The following ADAM22 variants were observed in gnomAD, a reference collection of about 807,000 sequenced individuals.
ADAM22 encodes ADAM metallopeptidase domain 22.
ADAM22 carries 65 observed loss-of-function variants against 144.6 expected under a neutral mutation model. That is an observed-to-expected ratio of 0.45 (90% CI 0.37 to 0.55). The LOEUF (loss-of-function observed/expected upper bound fraction) is 0.55, where lower values mean the gene tolerates loss of function less well. Ranked by LOEUF, ADAM22 falls within the 20% of genes least tolerant of loss-of-function variation. The pLI is 0.00. For synonymous variants in ADAM22, 391 were observed against 412.6 expected (o/e 0.95, Z 0.63); for missense variants, 974 against 1,184.9 (o/e 0.82, Z 2.61).
At chr7:87,971,705 G>T (rs562213627) in intron 2 of ADAM22, among the ~76,000 whole-genome samples, 1 of 152,112 alleles carries the variant, frequency 6.6e-6, no homozygotes, top group African/African-American at 2.4e-5. Flanking sequence ...CCCCACCAAA[G>T]GAAATTCTTG....
intron 19 of ADAM22, 53 bp downstream of exon 19, chr7:88,151,084 A>G: frequency 6.3e-7 from 1 of 1,574,932 alleles, no homozygotes; most frequent in Non-Finnish European, 8.7e-7. Flanking sequence ...CATGAAAGGA[A>G]TACTGAAATC....
intron 18 of ADAM22, among the ~76,000 whole-genome samples, chr7:88,150,010 G>C (rs1196949887): frequency 6.6e-6 from 1 of 152,160 alleles, no homozygotes; most frequent in Non-Finnish European, 1.5e-5. Context: ...AATGTCATGA[G>C]ATATCCCTGA....
intron 3 of ADAM22, among the ~76,000 whole-genome samples, chr7:88,013,392 T>C (rs1031756322): frequency 6.6e-6 from 1 of 152,218 alleles, no homozygotes; most frequent in African/African-American, 2.4e-5. Context: ...AAACTTTATA[T>C]TTTCAATAGA....
intron 2 of ADAM22, among the ~76,000 whole-genome samples, chr7:87,965,531 T>G (rs1448125930): frequency 1.3e-5 from 2 of 152,204 alleles, no homozygotes; most frequent in Non-Finnish European, 1.5e-5. Context: ...GTGAAATTGT[T>G]TCCCAAAGGA....
intron 2 of ADAM22, among the ~76,000 whole-genome samples, chr7:87,949,365 G>T (rs933635782): frequency 1.3e-5 from 2 of 152,312 alleles, no homozygotes; most frequent in South Asian, 4.1e-4. Context: ...GCATACTGAC[G>T]TTCTACCACA....
chr7:88,153,162 A>C, intron 20 of ADAM22, 59 bp from the exon 21 acceptor site: 2 of 1,226,352 alleles, frequency 1.6e-6, no homozygotes, highest in African/African-American at 1.5e-5. Flanking sequence ...TTTTCTGCAA[A>C]GCTTTTGAGC....
chr7:88,155,585 T>C (rs1198250040), intron 21 of ADAM22, among the ~76,000 whole-genome samples: 4 of 150,840 alleles, frequency 2.7e-5, no homozygotes, highest in South Asian at 4.2e-4. Flanking sequence ...TATTGTGTTA[T>C]GGGAAAAGAG....
chr7:88,028,931 C>T lies in ADAM22; in HGVS notation c.324-46695C>T, dbSNP rs906616570. ...AGTATATGTCTTATAGACAATAGAACGTGGAGTCTTGTTTTTTTATCCATT... is the reference window on the plus strand; with the variant it reads ...AGTATATGTCTTATAGACAATAGAATGTGGAGTCTTGTTTTTTTATCCATT... On this transcript the variant is annotated intron_variant, in intron 3 of 31. Coordinates refer to ENST00000413139, the MANE Select transcript of ADAM22 (RefSeq NM_001324418.2). Among the ~76,000 whole-genome samples the T allele has an allele frequency of 1.3e-4, 20 of 151,908 alleles. 1 individual carries two copies. Among genetic ancestry groups the T allele is most frequent in the South Asian group, 4.1e-4 (2 of 4,828 alleles).
At chr7:87,988,683 T>C (rs1034719913) in intron 3 of ADAM22, among the ~76,000 whole-genome samples, 1 of 152,214 alleles carries the variant, frequency 6.6e-6, no homozygotes, top group Non-Finnish European at 1.5e-5. Context: ...AGATGGGGCC[T>C]GTAGAGGCCT....
chr7:87,967,215 C>G (rs1248957500), intron 2 of ADAM22, among the ~76,000 whole-genome samples: 2 of 152,126 alleles, frequency 1.3e-5, no homozygotes, highest in Non-Finnish European at 2.9e-5. Context: ...TTCTTCATAC[C>G]AGCATGAGAA....
At chr7:88,112,956 G>T (rs930915067) in intron 5 of ADAM22, among the ~76,000 whole-genome samples, 13 of 152,060 alleles carry the variant, frequency 8.5e-5, no homozygotes, top group African/African-American at 2.7e-4. Flanking sequence ...CTGGCCTCAT[G>T]TGATTTCCCC....
chr7:87,953,969 G>C (rs1845952748), intron 2 of ADAM22, among the ~76,000 whole-genome samples: 1 of 152,028 alleles, frequency 6.6e-6, no homozygotes, highest in Admixed American at 6.6e-5. Flanking sequence ...TGCAACCCCT[G>C]CCTTTTTTTG....
chr7:88,200,059 A>T lies in ADAM22; in HGVS notation c.*3568A>T, dbSNP rs1296448245. ...AATTTAATCCTGTCTATTGTCCCAG[A>T]TCTCTTGTGGCTACTTTACCTGTTA... On this transcript the variant is annotated 3_prime_UTR_variant, in exon 32 of 32. Transcript: ENST00000413139. 2 of 152,114 alleles carry T rather than the reference A, an allele frequency of 1.3e-5. No homozygotes were observed. The highest frequency in any genetic ancestry group is 2.9e-5 in the Non-Finnish European group (2 of 68,010). The allele number at this position is 152,114 out of a possible 1,614,324, so 9.4% of individuals were successfully genotyped here.
chr7:88,185,733 A>T (rs970893615), intron 29 of ADAM22: 4 of 152,100 alleles, frequency 2.6e-5, no homozygotes, highest in African/African-American at 7.2e-5. Flanking sequence ...CCTCCCTCCA[A>T]TTTTTTTACC....
chr7:88,102,067 G>T (rs1446092933), intron 4 of ADAM22, among the ~76,000 whole-genome samples: 1 of 152,154 alleles, frequency 6.6e-6, no homozygotes, highest in South Asian at 2.1e-4. Flanking sequence ...CTTGTAAAAG[G>T]GGGGAAATAA....
intron 10 of ADAM22, 35 bp from the exon 11 acceptor site, chr7:88,131,234 G>A (rs377677789): frequency 1.1e-5 from 17 of 1,574,316 alleles, no homozygotes; most frequent in Non-Finnish European, 1.4e-5. Flanking sequence ...TTTACCACAT[G>A]TACAGCTGAT....
At chr7:87,996,338 T>C (rs1791226447) in intron 3 of ADAM22, among the ~76,000 whole-genome samples, 1 of 152,016 alleles carries the variant, frequency 6.6e-6, no homozygotes, top group Admixed American at 6.6e-5. Context: ...GGCTGAGGAG[T>C]CCAAGATCAA....
chr7:88,151,836 T>C (rs1197379692), intron 20 of ADAM22, among the ~76,000 whole-genome samples: 1 of 152,160 alleles, frequency 6.6e-6, no homozygotes, highest in Non-Finnish European at 1.5e-5. Flanking sequence ...CAGAAAGAAA[T>C]GTTAATGTTT....
chr7:88,193,386 CT>C (rs1043436949), intron 31 of ADAM22, 147 bp downstream of exon 31: 13 of 980,208 alleles, frequency 1.3e-5, no homozygotes, highest in Non-Finnish European at 1.6e-5. Flanking sequence ...ATTCTTGAGA[CT>C]TTTGGCTTCA....
Sources: gnomAD v4.1 joint callset for allele counts (sites outside exome capture counted in the v4.1 genomes callset) on GRCh38, gnomAD v4.1.1 for gene constraint, MANE v1.5 for transcripts, NCBI Gene and HGNC (gene_info 2026-07-23, HGNC 2026-07-21) for gene names.